The following DCC variants were observed in gnomAD, a reference collection of about 807,000 sequenced individuals.
DCC encodes the protein netrin receptor DCC.
A neutral mutation model predicts 172.5 loss-of-function variants in DCC; 58 were observed. The ratio of observed to expected loss-of-function variants is 0.34; its 90% CI spans 0.27 to 0.42. The LOEUF (loss-of-function observed/expected upper bound fraction) is 0.42, where lower values mean the gene tolerates loss of function less well. DCC is among the 10% of genes least tolerant of loss of function. The probability of loss-of-function intolerance (pLI) is 1.00; values close to 1 mark genes in which losing one functional copy is unlikely to be tolerated. For synonymous variants in DCC, 709 were observed against 644.5 expected (o/e 1.10, Z -1.52); for missense variants, 1,740 against 1,791.0 (o/e 0.97, Z 0.51).
intron 13 of DCC, among the ~76,000 whole-genome samples, chr18:53,312,345 AAAAAAAAAAAAAAAAAAAG>A (rs1475439700): frequency 3.1e-5 from 3 of 95,932 alleles, no homozygotes; most frequent in African/African-American, 8.6e-5. Flanking sequence ...TGTCTCAAAA[AAAAAAAAAAAAAAAAAAAG>A]AAAAAGAAAA....
chr18:52,410,345 G>A (rs80262527), intron 1 of DCC, among the ~76,000 whole-genome samples: 2,704 of 152,196 alleles, frequency 0.018, 80 homozygotes, highest in African/African-American at 0.062. Context: ...GGCAACAAGA[G>A]GCCTTGAGCC....
At chr18:52,594,707 C>A (rs1007233326) in intron 1 of DCC, among the ~76,000 whole-genome samples, 1 of 152,134 alleles carries the variant, frequency 6.6e-6, no homozygotes, top group Non-Finnish European at 1.5e-5. Context: ...AGCTTTTACT[C>A]ATGGCAGAAG....
At chr18:53,266,595 A>T (rs951486917) in intron 12 of DCC, among the ~76,000 whole-genome samples, 1 of 152,040 alleles carries the variant, frequency 6.6e-6, no homozygotes, top group Non-Finnish European at 1.5e-5. Context: ...TAATGTGTGC[A>T]GTTCATGGCT....
At chr18:52,813,065 A>C (rs773290205) in intron 2 of DCC, among the ~76,000 whole-genome samples, 1 of 152,212 alleles carries the variant, frequency 6.6e-6, no homozygotes, top group Non-Finnish European at 1.5e-5. Flanking sequence ...GGCTTAAGAT[A>C]GCTATGTTTT....
At chr18:53,249,175 A>G (rs1021883539) in intron 12 of DCC, among the ~76,000 whole-genome samples, 3 of 151,998 alleles carry the variant, frequency 2.0e-5, no homozygotes, top group Non-Finnish European at 4.4e-5. Flanking sequence ...GAGCTTTAGG[A>G]ATTTACACAG....
chr18:52,796,724 C>A (rs917947700), intron 2 of DCC, among the ~76,000 whole-genome samples: 8 of 152,046 alleles, frequency 5.3e-5, no homozygotes, highest in Non-Finnish European at 1.0e-4. Context: ...TGACTTGATG[C>A]TTTTTCTCTT....
chr18:52,713,098 C>T (rs2036321539), intron 1 of DCC, among the ~76,000 whole-genome samples: 1 of 152,204 alleles, frequency 6.6e-6, no homozygotes, highest in Non-Finnish European at 1.5e-5. Context: ...TTTCTGAAAG[C>T]TCTGTCAGTG....
intron 22 of DCC, among the ~76,000 whole-genome samples, chr18:53,439,526 C>G (rs1912135856): frequency 1.3e-5 from 2 of 152,164 alleles, no homozygotes; most frequent in Non-Finnish European, 2.9e-5. Flanking sequence ...GGCTTACTGT[C>G]AGGATACTCA....
intron 27 of DCC, among the ~76,000 whole-genome samples, chr18:53,520,188 TG>T (rs1368517328): frequency 2.0e-5 from 3 of 152,050 alleles, no homozygotes; most frequent in Non-Finnish European, 2.9e-5. Context: ...AAGCTTCATG[TG>T]GAGGAACAGA....
At chr18:52,695,170 C>A (rs1022782385) in intron 1 of DCC, among the ~76,000 whole-genome samples, 1 of 152,130 alleles carries the variant, frequency 6.6e-6, no homozygotes, top group Admixed American at 6.5e-5. Flanking sequence ...CTGACACTGA[C>A]AAAAATTAAC....
rs1250865824 is a variant in DCC, at chr18:52,340,774, G to T, written c.-14G>T. 1.2e-6 allele frequency: 2 copies of T among 1,610,668 alleles called. No homozygotes were observed. Among genetic ancestry groups the T allele is most frequent in the African/African-American group, 2.7e-5 (2 of 74,856 alleles). On this transcript the variant is annotated 5_prime_UTR_variant, in exon 1 of 29. Coordinates refer to ENST00000442544, the MANE Select transcript of DCC (RefSeq NM_005215.4). ...CTGCCCGCGACCCCTGGCCCCGAAG[G>T]TGTTGGCTGAAATATGGAGAATAGT... is the stretch of plus-strand genomic sequence containing the variant.
chr18:52,826,603 C>G (rs1163569402), intron 2 of DCC, among the ~76,000 whole-genome samples: 1 of 152,130 alleles, frequency 6.6e-6, no homozygotes, highest in Non-Finnish European at 1.5e-5. Flanking sequence ...GCCTCAGCTT[C>G]CTGCGTAGCT....
intron 27 of DCC, among the ~76,000 whole-genome samples, chr18:53,508,579 T>C (rs1490212968): frequency 2.6e-5 from 4 of 152,210 alleles, no homozygotes; most frequent in African/African-American, 9.7e-5. Context: ...CTTAAAAGAA[T>C]ATAGTTATTT....
intron 1 of DCC, among the ~76,000 whole-genome samples, chr18:52,460,563 C>T (rs993024667): frequency 5.3e-5 from 8 of 152,062 alleles, no homozygotes; most frequent in African/African-American, 1.4e-4. Context: ...ATGCATCACT[C>T]GGTGGTTTTG....
chr18:52,757,253 G>A (rs1440964552), intron 2 of DCC: 1 of 152,116 alleles, frequency 6.6e-6, no homozygotes, highest in Non-Finnish European at 1.5e-5. Flanking sequence ...CATGTACAGG[G>A]CACTCCTCTC....
chr18:52,663,387 A>G (rs1388745679), intron 1 of DCC, among the ~76,000 whole-genome samples: 2 of 152,166 alleles, frequency 1.3e-5, no homozygotes, highest in East Asian at 3.9e-4. Flanking sequence ...TCCAGATGAC[A>G]GCTGAGTGGC....
rs1233438195 is a variant in DCC, at chr18:52,497,279, AAAT to A, written c.91+156403_91+156405del. On this transcript the variant is annotated intron_variant, in intron 1 of 28. Coordinates refer to ENST00000442544, the MANE Select transcript of DCC (RefSeq NM_005215.4). ...CTGTATCAAAAAAAAAAAAAAAAAA[AAAT>A]ATATATATATATATATATATATATA... is the stretch of plus-strand genomic sequence containing the variant. 3.1e-4 allele frequency among the ~76,000 whole-genome samples: 12 copies of A among 38,150 alleles called. 1 individual carries two copies. The highest frequency in any genetic ancestry group is 1.2e-3 in the African/African-American group (12 of 10,176). The allele number at this position is 38,150 out of a possible 152,430, so 25.0% of individuals were successfully genotyped here.
intron 2 of DCC, among the ~76,000 whole-genome samples, chr18:52,885,287 C>T (rs1179013304): frequency 6.6e-6 from 1 of 152,122 alleles, no homozygotes; most frequent in East Asian, 1.9e-4. Flanking sequence ...GGGATGCTGT[C>T]TAGGAACCAG....
chr18:52,354,997 C>T (rs1008420241), intron 1 of DCC, among the ~76,000 whole-genome samples: 3 of 152,038 alleles, frequency 2.0e-5, no homozygotes, highest in African/African-American at 4.8e-5. Context: ...CTTTAAGCCC[C>T]GTTACGAATG....
Sources: allele counts gnomAD v4.1 joint callset (sites outside exome capture counted in the v4.1 genomes callset), GRCh38; gene constraint gnomAD v4.1.1; transcripts MANE v1.5; gene names NCBI Gene and HGNC (gene_info 2026-07-23, HGNC 2026-07-21).